KAZN: variants seen among roughly 807,000 people sequenced by gnomAD.
KAZN encodes the protein kazrin, periplakin interacting protein.
In KAZN, 40 loss-of-function variants were observed where a neutral mutation model predicts 87.4. That is an observed-to-expected ratio of 0.46 (90% CI 0.36 to 0.60). The LOEUF (loss-of-function observed/expected upper bound fraction) is 0.60, where lower values mean the gene tolerates loss of function less well. KAZN is among the 20% of genes least tolerant of loss of function. KAZN has a pLI of 0.00. For missense variants in KAZN, 898 were observed against 1,073.9 expected (o/e 0.84, Z 2.29); for synonymous variants, 466 against 458.3 (o/e 1.02, Z -0.22).
At chr1:14,640,711 G>C (rs960953255) in intron 1 of KAZN, among the ~76,000 whole-genome samples, 1 of 152,178 alleles carries the variant, frequency 6.6e-6, no homozygotes, top group Non-Finnish European at 1.5e-5. Flanking sequence ...CTCCTCCCTG[G>C]CAGTCAGCCT....
At chr1:14,810,087 C>T (rs1049557412) in intron 1 of KAZN, among the ~76,000 whole-genome samples, 1 of 152,126 alleles carries the variant, frequency 6.6e-6, no homozygotes, top group Admixed American at 6.5e-5. Context: ...CTTCCTTACC[C>T]AGTAATAATA....
At chr1:13,941,338 T>C (rs1482623155) in intron 1 of KAZN, among the ~76,000 whole-genome samples, 2 of 152,202 alleles carry the variant, frequency 1.3e-5, no homozygotes, top group African/African-American at 4.8e-5. Flanking sequence ...TTATCAAACA[T>C]TTATTGAGAA....
At chr1:14,570,048 G>A (rs886920213) in intron 2 of KAZN, among the ~76,000 whole-genome samples, 15 of 152,294 alleles carry the variant, frequency 9.8e-5, no homozygotes, top group Non-Finnish European at 1.9e-4. Context: ...AGGAGGTAGA[G>A]GTTGCAGTGA....
chr1:14,697,682 G>C (rs1044205594), intron 1 of KAZN, among the ~76,000 whole-genome samples: 17 of 152,330 alleles, frequency 1.1e-4, no homozygotes, highest in Non-Finnish European at 1.8e-4. Flanking sequence ...CACTGAAAGA[G>C]TATTGGTTTA....
At chr1:13,960,422 A>T (rs1042121336) in intron 1 of KAZN, among the ~76,000 whole-genome samples, 2 of 152,180 alleles carry the variant, frequency 1.3e-5, no homozygotes, top group African/African-American at 4.8e-5. Flanking sequence ...TAAGTCATGT[A>T]CGTTCTAGTA....
intron 1 of KAZN, among the ~76,000 whole-genome samples, chr1:13,988,618 C>T (rs934022226): frequency 4.6e-5 from 7 of 152,122 alleles, no homozygotes; most frequent in African/African-American, 1.7e-4. Context: ...AGAACTCAAC[C>T]ATAGGGTCTC....
At position 13,973,215 on chromosome 1, in the gene KAZN, T is replaced by C. The variant is rs559727560; in HGVS notation, c.91+79459T>C. Among the ~76,000 whole-genome samples, 3 of 152,346 alleles carry C rather than the reference T, an allele frequency of 2.0e-5. No individual in the cohort carries two copies. In the South Asian group the frequency reaches 6.2e-4, roughly 32 times the overall value. On this transcript the variant is annotated intron_variant, in intron 1 of 16. Coordinates refer to the KAZN transcript ENST00000636203. The stretch of plus-strand genomic sequence containing the variant: ...TTCTCCCTTGACATGTATCATCTCA[T>C]GTAAACTTCATAACAACCTCATGGA...
chr1:13,935,252 G>GTAATAATATAATAATAATAA (rs1553175643), intron 1 of KAZN, among the ~76,000 whole-genome samples: 4 of 147,072 alleles, frequency 2.7e-5, no homozygotes, highest in Non-Finnish European at 6.0e-5. Context: ...AGTAGTAGTA[G>GTAATAATATAATAATAATAA]TAATAATAAT....
intron 2 of KAZN, among the ~76,000 whole-genome samples, chr1:14,253,869 C>T (rs1343679825): frequency 6.7e-6 from 1 of 148,928 alleles, no homozygotes; most frequent in East Asian, 2.0e-4. Context: ...TGAGCTCCTG[C>T]AGTCATTATC....
intron 1 of KAZN, among the ~76,000 whole-genome samples, chr1:14,904,855 G>C (rs1012333968): frequency 2.0e-5 from 3 of 152,110 alleles, no homozygotes; most frequent in Non-Finnish European, 2.9e-5. Flanking sequence ...TCCGCCACTC[G>C]GGTTCACACC....
rs148146691 is a variant in KAZN, at chr1:14,722,692, C to T, written c.226+123469C>T. On this transcript the variant is annotated intron_variant, in intron 1 of 14. Coordinates refer to ENST00000376030, the MANE Select transcript of KAZN (RefSeq NM_201628.3). ...TTCAAACATGCAGGGAAGTCAGCAG[C>T]CCAGTAAAATGAATGCCCTCGTGGC... Among the ~76,000 whole-genome samples the T allele has an allele frequency of 2.0e-3, 297 of 152,244 alleles. 2 individuals are homozygous for T. Among genetic ancestry groups the T allele is most frequent in the African/African-American group, 6.4e-3 (266 of 41,550 alleles).
chr1:14,695,649 G>A (rs1274675964), intron 1 of KAZN, among the ~76,000 whole-genome samples: 1 of 151,760 alleles, frequency 6.6e-6, no homozygotes, highest in East Asian at 1.9e-4. Context: ...GGGATTACAG[G>A]TGTGCACCAC....
At chr1:13,923,953 G>A (rs1421704405) in intron 1 of KAZN, among the ~76,000 whole-genome samples, 1 of 151,594 alleles carries the variant, frequency 6.6e-6, no homozygotes, top group East Asian at 1.9e-4. Context: ...TGCTGACCAT[G>A]CGGGTCTCCC....
chr1:14,852,404 C>T (rs532786719), intron 1 of KAZN, among the ~76,000 whole-genome samples: 32 of 152,340 alleles, frequency 2.1e-4, no homozygotes, highest in African/African-American at 7.5e-4. Flanking sequence ...GGCGATCAGA[C>T]GGTGCCAGGC....
At chr1:14,425,606 C>G (rs1040133122) in intron 2 of KAZN, among the ~76,000 whole-genome samples, 2 of 152,188 alleles carry the variant, frequency 1.3e-5, no homozygotes, top group Non-Finnish European at 2.9e-5. Flanking sequence ...CTCACCCCCA[C>G]TAATTAATTC....
intron 2 of KAZN, among the ~76,000 whole-genome samples, chr1:14,462,459 TG>T (rs1452711851): frequency 6.6e-6 from 1 of 152,212 alleles, no homozygotes; most frequent in African/African-American, 2.4e-5. Flanking sequence ...AACCTCATTC[TG>T]TCAGACCTAG....
chr1:14,855,819 G>A (rs922264739), intron 1 of KAZN, among the ~76,000 whole-genome samples: 4 of 152,204 alleles, frequency 2.6e-5, no homozygotes, highest in Non-Finnish European at 4.4e-5. Context: ...CACCTCTAAA[G>A]TCTTGCAACC....
chr1:14,775,368 T>C (rs1645145779), intron 1 of KAZN, among the ~76,000 whole-genome samples: 1 of 152,240 alleles, frequency 6.6e-6, no homozygotes, highest in Admixed American at 6.5e-5. Flanking sequence ...AGCGTCATGC[T>C]TCCCCTGGAG....
At chr1:14,539,239 A>G (rs187438929) in intron 2 of KAZN, among the ~76,000 whole-genome samples, 3 of 152,352 alleles carry the variant, frequency 2.0e-5, no homozygotes, top group Admixed American at 2.0e-4. Flanking sequence ...ATTCCCGGCA[A>G]TACACTGACA....
Sources: gnomAD v4.1 joint callset for allele counts (sites outside exome capture counted in the v4.1 genomes callset) on GRCh38, gnomAD v4.1.1 for gene constraint, MANE v1.5 for transcripts, NCBI Gene and HGNC (gene_info 2026-07-23, HGNC 2026-07-21) for gene names.